The following LRRC4C variants were observed in gnomAD, a reference collection of about 807,000 sequenced individuals.
LRRC4C encodes leucine-rich repeat-containing protein 4C.
Under a neutral mutation model 33.6 loss-of-function variants are expected in LRRC4C, and 5 were observed. That is an observed-to-expected ratio of 0.15 (90% CI 0.08 to 0.31). LRRC4C has a LOEUF of 0.31. LRRC4C is among the 10% of genes least tolerant of loss of function. The pLI, the probability that LRRC4C is intolerant of heterozygous loss-of-function variation, is 1.00. For synonymous variants in LRRC4C, 329 were observed against 302.0 expected (o/e 1.09, Z -0.93); for missense variants, 560 against 796.7 (o/e 0.70, Z 3.58).
chr11:41,255,497 T>C (rs1948770939), intron 1 of LRRC4C, among the ~76,000 whole-genome samples: 1 of 152,030 alleles, frequency 6.6e-6, no homozygotes, highest in African/African-American at 2.4e-5. Context: ...TGAGACTTGG[T>C]TGCTTAATGG....
chr11:40,584,965 A>AT (rs1958651338), intron 3 of LRRC4C, among the ~76,000 whole-genome samples: 1 of 151,166 alleles, frequency 6.6e-6, no homozygotes, highest in Non-Finnish European at 1.5e-5. Flanking sequence ...AAAAAAAAAA[A>AT]AGAAAGTTTA....
chr11:40,588,410 A>G (rs1158077494), intron 3 of LRRC4C, among the ~76,000 whole-genome samples: 1 of 151,286 alleles, frequency 6.6e-6, no homozygotes, highest in Non-Finnish European at 1.5e-5. Flanking sequence ...TATTTTGTTG[A>G]TCCTTTCAAA....
intron 1 of LRRC4C, among the ~76,000 whole-genome samples, chr11:41,255,841 G>T (rs1198102444): frequency 6.6e-6 from 1 of 151,976 alleles, no homozygotes; most frequent in Non-Finnish European, 1.5e-5. Flanking sequence ...GGAATGCCTT[G>T]ATTCTCTAGA....
chr11:40,951,842 T>C (rs570097466), intron 1 of LRRC4C, among the ~76,000 whole-genome samples: 1 of 151,972 alleles, frequency 6.6e-6, no homozygotes, highest in East Asian at 1.9e-4. Context: ...TAGCACATAG[T>C]TTCTGGAAGT....
intron 1 of LRRC4C, among the ~76,000 whole-genome samples, chr11:41,280,890 C>T (rs1248008535): frequency 6.6e-6 from 1 of 152,074 alleles, no homozygotes; most frequent in African/African-American, 2.4e-5. Context: ...AAGCAAATAG[C>T]ATTTTGTCAG....
intron 1 of LRRC4C, among the ~76,000 whole-genome samples, chr11:41,236,344 G>C (rs1259706482): frequency 1.3e-5 from 2 of 151,966 alleles, no homozygotes; most frequent in African/African-American, 2.4e-5. Flanking sequence ...TTAAATCTCT[G>C]TTTCTCATAG....
chr11:41,213,279 T>C (rs927656176), intron 1 of LRRC4C, among the ~76,000 whole-genome samples: 3 of 152,216 alleles, frequency 2.0e-5, no homozygotes, highest in African/African-American at 7.2e-5. Flanking sequence ...CTCCATGAAA[T>C]GATGTGATAA....
intron 4 of LRRC4C, among the ~76,000 whole-genome samples, chr11:40,267,664 G>A (rs1481788899): frequency 6.6e-6 from 1 of 152,090 alleles, no homozygotes; most frequent in African/African-American, 2.4e-5. Flanking sequence ...TATGAAGTAT[G>A]TTTTAAAGTG....
intron 3 of LRRC4C, among the ~76,000 whole-genome samples, chr11:40,336,872 G>T (rs546854637): frequency 6.6e-6 from 1 of 151,030 alleles, no homozygotes; most frequent in Non-Finnish European, 1.5e-5. Context: ...AGCTACTCGG[G>T]AGGCTGAGGC....
intron 1 of LRRC4C, among the ~76,000 whole-genome samples, chr11:41,051,520 CAAAAAAAAAAAAAAAAAAA>C (rs530003573): frequency 2.2e-3 from 132 of 60,304 alleles, no homozygotes; most frequent in African/African-American, 7.6e-3. Flanking sequence ...GGTCTCAAGG[CAAAAAAAAAAAAAAAAAAA>C]AAAAAAAAAA....
intron 3 of LRRC4C, among the ~76,000 whole-genome samples, chr11:40,327,976 T>A (rs1385832121): frequency 6.6e-6 from 1 of 152,114 alleles, no homozygotes; most frequent in Admixed American, 6.6e-5. Context: ...GAATTAATCA[T>A]TATGTAAAAA....
intron 1 of LRRC4C, among the ~76,000 whole-genome samples, chr11:41,415,335 G>A (rs1377852150): frequency 1.3e-5 from 2 of 152,216 alleles, no homozygotes; most frequent in South Asian, 2.1e-4. Context: ...ATGGACAGAA[G>A]GTTTGAGGTT....
At chr11:41,131,663 A>G (rs1943019107) in intron 1 of LRRC4C, among the ~76,000 whole-genome samples, 1 of 152,100 alleles carries the variant, frequency 6.6e-6, no homozygotes, top group African/African-American at 2.4e-5. Flanking sequence ...AGGCATTCTT[A>G]GTCAAGGGAT....
intron 3 of LRRC4C, among the ~76,000 whole-genome samples, chr11:40,386,286 T>C (rs1158162838): frequency 2.0e-5 from 3 of 152,166 alleles, no homozygotes; most frequent in Non-Finnish European, 4.4e-5. Flanking sequence ...AGATTCTAGC[T>C]GTATTGAGGG....
intron 1 of LRRC4C, among the ~76,000 whole-genome samples, chr11:41,270,575 A>C (rs1949288442): frequency 2.0e-5 from 3 of 152,086 alleles, no homozygotes; most frequent in Admixed American, 2.0e-4. Context: ...AGATATTTTC[A>C]GTCAAAGTAA....
chr11:41,259,819 GT>G lies in LRRC4C; in HGVS notation c.-496+199611del, dbSNP rs369287702. 7.6e-4 allele frequency among the ~76,000 whole-genome samples: 115 copies of G among 151,116 alleles called. 2 individuals are homozygous for G. The East Asian group carries it at 0.021, about 28-fold the overall frequency. ...GTGTAGTAAGATAATTTCTTTGGTGGTTTTTTTTTAAAAATCAAATAAGATA... is the reference window on the plus strand; with the variant it reads ...GTGTAGTAAGATAATTTCTTTGGTGGTTTTTTTTAAAAATCAAATAAGATA... On this transcript the variant is annotated intron_variant, in intron 1 of 6. Coordinates refer to ENST00000528697, the MANE Select transcript of LRRC4C (RefSeq NM_001258419.2).
intron 4 of LRRC4C, among the ~76,000 whole-genome samples, chr11:40,250,577 T>C (rs1238245105): frequency 1.3e-5 from 2 of 151,896 alleles, no homozygotes; most frequent in Admixed American, 1.3e-4. Flanking sequence ...CTGCCTCTAC[T>C]AAAGATACAA....
chr11:40,752,258 C>A (rs2136998426), intron 2 of LRRC4C, among the ~76,000 whole-genome samples: 1 of 151,948 alleles, frequency 6.6e-6, no homozygotes, highest in African/African-American at 2.4e-5. Flanking sequence ...AAATGGGATT[C>A]TGTTAAAAAG....
At chr11:40,971,924 CCTTT>C (rs1851752924) in intron 1 of LRRC4C, among the ~76,000 whole-genome samples, 1 of 152,044 alleles carries the variant, frequency 6.6e-6, no homozygotes, top group Non-Finnish European at 1.5e-5. Context: ...GCCTGTAGCT[CCTTT>C]GTTTTGGTTG....
Sources: allele counts gnomAD v4.1 joint callset (sites outside exome capture counted in the v4.1 genomes callset), GRCh38; gene constraint gnomAD v4.1.1; transcripts MANE v1.5; gene names NCBI Gene and HGNC (gene_info 2026-07-23, HGNC 2026-07-21).